Variants in FGF12 observed in about 807,000 individuals in gnomAD.
The protein encoded by FGF12 is fibroblast growth factor 12.
FGF12 carries 14 observed loss-of-function variants against 23.6 expected under a neutral mutation model. That is an observed-to-expected ratio of 0.59 (90% CI 0.39 to 0.93). FGF12 has a LOEUF of 0.93. FGF12 is among the 40% of genes least tolerant of loss of function. The pLI is 0.00. For missense variants in FGF12, 175 were observed against 217.8 expected, an observed-to-expected ratio of 0.80 and a Z score of 1.24; for synonymous variants, 62 against 77.3, an observed-to-expected ratio of 0.80 and a Z score of 1.04.
intron 2 of FGF12, among the ~76,000 whole-genome samples, chr3:192,522,129 C>T (rs573718336): frequency 2.5e-4 from 37 of 147,502 alleles, no homozygotes; most frequent in African/African-American, 8.5e-4. Context: ...ACCCGGGAGG[C>T]GGAGCTTGCA....
intron 4 of FGF12, among the ~76,000 whole-genome samples, chr3:192,188,321 G>C (rs1352364719): frequency 6.6e-6 from 1 of 152,100 alleles, no homozygotes; most frequent in Non-Finnish European, 1.5e-5. Context: ...GGTTAATGGG[G>C]ATTACAGATT....
chr3:192,662,093 G>A (rs1253075225), intron 2 of FGF12, among the ~76,000 whole-genome samples: 2 of 152,176 alleles, frequency 1.3e-5, no homozygotes, highest in African/African-American at 2.4e-5. Context: ...ATTCACCAGC[G>A]TATGTCCAAA....
intron 2 of FGF12, among the ~76,000 whole-genome samples, chr3:192,393,947 A>G (rs1040095126): frequency 1.3e-5 from 2 of 152,176 alleles, no homozygotes; most frequent in Non-Finnish European, 2.9e-5. Flanking sequence ...AAATCTAAAA[A>G]CTTGATAATT....
intron 4 of FGF12, among the ~76,000 whole-genome samples, chr3:192,291,409 C>T (rs1041664883): frequency 2.0e-5 from 3 of 152,038 alleles, no homozygotes; most frequent in Non-Finnish European, 4.4e-5. Flanking sequence ...AGTGAGATCT[C>T]ATCTCCATAA....
chr3:192,190,674 A>G (rs1364658261), intron 4 of FGF12, among the ~76,000 whole-genome samples: 2 of 151,364 alleles, frequency 1.3e-5, no homozygotes, highest in South Asian at 2.1e-4. Flanking sequence ...ACGGGGTTTC[A>G]CCGTTTTAGC....
At chr3:192,553,786 C>A (rs1711628669) in intron 2 of FGF12, among the ~76,000 whole-genome samples, 3 of 152,080 alleles carry the variant, frequency 2.0e-5, no homozygotes, top group African/African-American at 4.8e-5. Context: ...AAAACACATC[C>A]AAAACTCAGA....
intron 3 of FGF12, among the ~76,000 whole-genome samples, chr3:192,350,606 A>G (rs1376545203): frequency 1.3e-5 from 2 of 152,124 alleles, no homozygotes; most frequent in African/African-American, 4.8e-5. Context: ...ATTTGGAAGG[A>G]CATTCCAGAA....
intron 2 of FGF12, among the ~76,000 whole-genome samples, chr3:192,577,634 T>C (rs1174598188): frequency 6.6e-6 from 1 of 152,226 alleles, no homozygotes; most frequent in Non-Finnish European, 1.5e-5. Flanking sequence ...GAATCTTAAA[T>C]AGAGATCCCT....
intron 2 of FGF12, among the ~76,000 whole-genome samples, chr3:192,470,595 G>C (rs910148126): frequency 2.0e-5 from 3 of 151,896 alleles, no homozygotes; most frequent in Non-Finnish European, 4.4e-5. Flanking sequence ...CATCACGTTG[G>C]CCAGGCTGGT....
At chr3:192,714,897 G>A (rs987270642) in intron 2 of FGF12, among the ~76,000 whole-genome samples, 1 of 152,150 alleles carries the variant, frequency 6.6e-6, no homozygotes. Context: ...TAGTCTATAA[G>A]TTTCAACGCT....
At chr3:192,473,722 C>G (rs1256534245) in intron 2 of FGF12, among the ~76,000 whole-genome samples, 1 of 152,180 alleles carries the variant, frequency 6.6e-6, no homozygotes, top group Non-Finnish European at 1.5e-5. Flanking sequence ...ACATTCCCAC[C>G]TCATTGATTC....
chr3:192,314,743 A>T lies in FGF12; in HGVS notation c.228+20618T>A, dbSNP rs77338142. Reference sequence around the variant, plus strand: ...AGTAAACATAAGAAATTTGTTATTAATAATTGGTCTTAGGAAATAAAATCA... The same window carrying T: ...AGTAAACATAAGAAATTTGTTATTATTAATTGGTCTTAGGAAATAAAATCA... On this transcript the variant is annotated intron_variant, in intron 4 of 5. Coordinates refer to ENST00000445105, the MANE Select transcript of FGF12 (RefSeq NM_004113.6). Among the ~76,000 whole-genome samples, 308 of 152,344 alleles carry T rather than the reference A, an allele frequency of 2.0e-3. 4 individuals carry two copies. Among genetic ancestry groups the T allele is most frequent in the East Asian group, 0.017 (88 of 5,184 alleles).
chr3:192,673,493 G>C (rs1051696636), intron 2 of FGF12, among the ~76,000 whole-genome samples: 8 of 150,764 alleles, frequency 5.3e-5, no homozygotes, highest in African/African-American at 1.5e-4. Context: ...CATCACCTAG[G>C]TATTAAGCCC....
In FGF12 at chr3:192,155,319, C is replaced by T. The variant is rs1054381656; in HGVS notation, c.428-11192G>A. ...GCTGTAGACCGGAGCTGTTCCTATT[C>T]GGCCGTCTTTCAGCATTTGAAACTT... is the stretch of plus-strand genomic sequence containing the variant. On this transcript the variant is annotated intron_variant, in intron 5 of 5. Coordinates refer to ENST00000445105, the MANE Select transcript of FGF12 (RefSeq NM_004113.6). Among the ~76,000 whole-genome samples, 3 of 152,292 alleles carry T rather than the reference C, an allele frequency of 2.0e-5. No individual in the cohort carries two copies. In the South Asian group the frequency reaches 6.2e-4, roughly 32 times the overall value.
At chr3:192,640,245 A>G (rs1055437771) in intron 2 of FGF12, among the ~76,000 whole-genome samples, 3 of 152,236 alleles carry the variant, frequency 2.0e-5, no homozygotes, top group Admixed American at 6.5e-5. Flanking sequence ...ACGATGTGCA[A>G]TGATGGATAT....
chr3:192,270,331 A>G (rs1026845091), intron 4 of FGF12, among the ~76,000 whole-genome samples: 3 of 152,176 alleles, frequency 2.0e-5, no homozygotes, highest in Non-Finnish European at 2.9e-5. Context: ...CTGTTAAATC[A>G]ATTCATGAGC....
chr3:192,318,657 G>A (rs987045290), intron 4 of FGF12, among the ~76,000 whole-genome samples: 3 of 151,998 alleles, frequency 2.0e-5, no homozygotes, highest in Admixed American at 6.6e-5. Flanking sequence ...AGAGATCAGA[G>A]TAGAAAGTTT....
intron 2 of FGF12, among the ~76,000 whole-genome samples, chr3:192,701,376 A>G (rs1469165990): frequency 1.3e-5 from 2 of 152,196 alleles, no homozygotes; most frequent in African/African-American, 4.8e-5. Context: ...TGTTCTTGGT[A>G]TCTCCTCTGG....
intron 2 of FGF12, among the ~76,000 whole-genome samples, chr3:192,696,230 G>C (rs933788185): frequency 6.6e-6 from 1 of 151,346 alleles, no homozygotes; most frequent in Non-Finnish European, 1.5e-5. Context: ...GTATGTTCCA[G>C]CTGCATGATC....
Sources: allele counts gnomAD v4.1 joint callset (sites outside exome capture counted in the v4.1 genomes callset), GRCh38; gene constraint gnomAD v4.1.1; transcripts MANE v1.5; gene names NCBI Gene and HGNC (gene_info 2026-07-23, HGNC 2026-07-21).